CCDC148: variants seen among roughly 807,000 people sequenced by gnomAD.
CCDC148 encodes the protein coiled-coil domain-containing protein 148.
A neutral mutation model predicts 85.7 loss-of-function variants in CCDC148; 89 were observed. The observed-to-expected ratio is 1.04, with a 90% CI of 0.87 to 1.24. CCDC148 has a LOEUF of 1.24. CCDC148 is among the 50% of genes most tolerant of loss of function. The pLI is 0.00. For missense variants in CCDC148, 692 were observed against 671.7 expected (o/e 1.03, Z -0.33); for synonymous variants, 230 against 213.9 (o/e 1.08, Z -0.66).
chr2:158,191,016 A>G (rs1685398583), intron 11 of CCDC148, among the ~76,000 whole-genome samples: 1 of 151,998 alleles, frequency 6.6e-6, no homozygotes, highest in Non-Finnish European at 1.5e-5. Context: ...ATTTCGGTCT[A>G]GTTCTATCTA....
chr2:158,179,067 T>C, intron 11 of CCDC148, 71 bp from the exon 12 acceptor site: 1 of 1,155,982 alleles, frequency 8.7e-7, no homozygotes, highest in Non-Finnish European at 1.3e-6. Flanking sequence ...GAAAACAGCA[T>C]AGGGGCAGAA....
intron 11 of CCDC148, among the ~76,000 whole-genome samples, chr2:158,180,558 A>G (rs958930575): frequency 2.0e-5 from 3 of 152,130 alleles, no homozygotes; most frequent in Non-Finnish European, 1.5e-5. Context: ...CAGGGCTGGC[A>G]TCTGAGAGTG....
At chr2:158,181,407 G>T (rs1442208837) in intron 11 of CCDC148, among the ~76,000 whole-genome samples, 1 of 152,098 alleles carries the variant, frequency 6.6e-6, no homozygotes, top group South Asian at 2.1e-4. Flanking sequence ...GTTAGGCACT[G>T]GTGATACAAC....
rs370377234 is a variant in CCDC148, at chr2:158,285,825, C to T, written c.1110+23608G>A. Among the ~76,000 whole-genome samples, 13 of 152,026 alleles carry T rather than the reference C, an allele frequency of 8.6e-5. No homozygotes were observed. In the South Asian group the frequency reaches 1.5e-3, roughly 17 times the overall value. On this transcript the variant is annotated intron_variant, in intron 9 of 13. Transcript: ENST00000283233. ...TGCTGGGATTACAGGAGTGAGCCAC[C>T]GCGCCCAGCCAAAAGTTAACTTATT... is the stretch of plus-strand genomic sequence containing the variant.
At chr2:158,388,963 C>A (rs981456695) in intron 1 of CCDC148, among the ~76,000 whole-genome samples, 1 of 152,084 alleles carries the variant, frequency 6.6e-6, no homozygotes, top group Non-Finnish European at 1.5e-5. Context: ...GAAAACATGT[C>A]CAGAGATTCT....
At chr2:158,425,442 T>C (rs1312547934) in intron 1 of CCDC148, 6 of 317,572 alleles carry the variant, frequency 1.9e-5, no homozygotes, top group Non-Finnish European at 3.7e-5. Flanking sequence ...CAATTGTGTC[T>C]AACTGTATAT....
At chr2:158,277,705 T>C (rs756385303) in intron 9 of CCDC148, among the ~76,000 whole-genome samples, 8 of 152,112 alleles carry the variant, frequency 5.3e-5, no homozygotes, top group Non-Finnish European at 1.2e-4. Context: ...CACGCCATTC[T>C]CCTGCCTCAG....
chr2:158,205,304 A>C lies in CCDC148; in HGVS notation c.1370+15291T>G, dbSNP rs561984064. Among the ~76,000 whole-genome samples, 7 of 152,220 alleles carry C rather than the reference A, an allele frequency of 4.6e-5. No individual in the cohort carries two copies. The East Asian group carries it at 1.4e-3, about 30-fold the overall frequency. ...GGGCTTCTGATTGGGCAGTGAGTAC[A>C]TCCTGTTGTCATTTACAGAAAAGGG... On this transcript the variant is annotated intron_variant, in intron 11 of 13. Coordinates refer to ENST00000283233, the MANE Select transcript of CCDC148 (RefSeq NM_138803.4).
chr2:158,448,582 A>T (rs1197571328), intron 1 of CCDC148, among the ~76,000 whole-genome samples: 1 of 151,928 alleles, frequency 6.6e-6, no homozygotes, highest in East Asian at 1.9e-4. Context: ...GAGCTCAAGC[A>T]ATCCACCCCG....
At chr2:158,290,260 A>T (rs1176117870) in intron 9 of CCDC148, among the ~76,000 whole-genome samples, 2 of 152,162 alleles carry the variant, frequency 1.3e-5, no homozygotes, top group Non-Finnish European at 2.9e-5. Context: ...GGGCACAGGG[A>T]TACCCCACCA....
chr2:158,256,843 C>G (rs1429451003), intron 9 of CCDC148, among the ~76,000 whole-genome samples: 1 of 151,732 alleles, frequency 6.6e-6, no homozygotes, highest in African/African-American at 2.4e-5. Flanking sequence ...CTCTACTTCT[C>G]TAGCACATTG....
chr2:158,289,879 G>A (rs1690806401), intron 9 of CCDC148, among the ~76,000 whole-genome samples: 1 of 152,152 alleles, frequency 6.6e-6, no homozygotes, highest in East Asian at 1.9e-4. Flanking sequence ...AAATATTGGG[G>A]GAAAGATGCC....
At chr2:158,352,831 G>C (rs1683393051) in intron 2 of CCDC148, among the ~76,000 whole-genome samples, 1 of 152,032 alleles carries the variant, frequency 6.6e-6, no homozygotes, top group African/African-American at 2.4e-5. Context: ...AGAGAGAAAG[G>C]TCGGGTTACT....
intron 9 of CCDC148, among the ~76,000 whole-genome samples, chr2:158,262,751 GA>G (rs1689286342): frequency 6.6e-6 from 1 of 151,938 alleles, no homozygotes; most frequent in Non-Finnish European, 1.5e-5. Flanking sequence ...ACAGCATGGA[GA>G]AAGCCGCCCC....
At chr2:158,276,539 G>C (rs1213924604) in intron 9 of CCDC148, among the ~76,000 whole-genome samples, 1 of 148,824 alleles carries the variant, frequency 6.7e-6, no homozygotes, top group Non-Finnish European at 1.5e-5. Context: ...CTGGGTGACA[G>C]AGTGAGACTC....
intron 9 of CCDC148, among the ~76,000 whole-genome samples, chr2:158,262,054 G>A (rs180792839): frequency 3.3e-5 from 5 of 152,014 alleles, no homozygotes; most frequent in East Asian, 1.9e-4. Context: ...TAAAAAAGAC[G>A]TGCATGCAAA....
chr2:158,185,889 T>G (rs1685132386), intron 11 of CCDC148, among the ~76,000 whole-genome samples: 1 of 152,066 alleles, frequency 6.6e-6, no homozygotes. Context: ...GACAAAAACC[T>G]TTTTAAAAAA....
At chr2:158,295,357 C>A (rs556849615) in intron 9 of CCDC148, among the ~76,000 whole-genome samples, 1 of 152,248 alleles carries the variant, frequency 6.6e-6, no homozygotes, top group Admixed American at 6.5e-5. Flanking sequence ...AGAGGGAATC[C>A]TCCCTAACTC....
rs533577358 is a variant in CCDC148 at position 158,351,293 on chromosome 2, C to T, written c.148-5975G>A. Reference sequence around the variant, plus strand: ...CTCCCAGCGTGAGTGACGCAGAAGACGGGTGATTTCTGCATTTCCATCTGA... The same window carrying T: ...CTCCCAGCGTGAGTGACGCAGAAGATGGGTGATTTCTGCATTTCCATCTGA... On this transcript the variant is annotated intron_variant, in intron 2 of 13. Coordinates refer to ENST00000283233, the MANE Select transcript of CCDC148 (RefSeq NM_138803.4). 6.6e-4 allele frequency among the ~76,000 whole-genome samples: 100 copies of T among 152,268 alleles called. 1 individual carries two copies. The highest frequency in any genetic ancestry group is 2.0e-3 in the African/African-American group (85 of 41,558).
Sources: allele counts gnomAD v4.1 joint callset (sites outside exome capture counted in the v4.1 genomes callset), GRCh38; gene constraint gnomAD v4.1.1; transcripts MANE v1.5; gene names NCBI Gene and HGNC (gene_info 2026-07-23, HGNC 2026-07-21).